DOCK3: variants seen among roughly 807,000 people sequenced by gnomAD.
The protein encoded by DOCK3 is dedicator of cytokinesis 3.
DOCK3 carries 60 observed loss-of-function variants against 265.6 expected under a neutral mutation model. The observed-to-expected ratio is 0.23, with a 90% CI of 0.18 to 0.28. The LOEUF (loss-of-function observed/expected upper bound fraction) is 0.28, where lower values mean the gene tolerates loss of function less well. DOCK3 is among the 10% of genes least tolerant of loss of function. DOCK3 has a pLI of 1.00. For synonymous variants in DOCK3, 881 were observed against 938.0 expected (o/e 0.94, Z 1.11); for missense variants, 1,981 against 2,594.3 (o/e 0.76, Z 5.14).
intron 32 of DOCK3, among the ~76,000 whole-genome samples, chr3:51,323,592 A>C (rs1032584263): frequency 6.6e-6 from 1 of 152,206 alleles, no homozygotes; most frequent in African/African-American, 2.4e-5. Flanking sequence ...CTACTGGGTT[A>C]ATAACAAAAT....
chr3:51,122,898 A>G (rs1377740560), intron 9 of DOCK3, among the ~76,000 whole-genome samples: 1 of 152,224 alleles, frequency 6.6e-6, no homozygotes, highest in African/African-American at 2.4e-5. Flanking sequence ...AGAAGATTGC[A>G]TGCGCACACA....
intron 6 of DOCK3, among the ~76,000 whole-genome samples, chr3:51,070,399 G>C (rs1376330679): frequency 1.3e-5 from 2 of 152,114 alleles, no homozygotes; most frequent in South Asian, 2.1e-4. Flanking sequence ...GAACAACCTA[G>C]CTTGAGACAA....
At chr3:50,943,163 G>C (rs1203053699) in intron 5 of DOCK3, among the ~76,000 whole-genome samples, 2 of 152,060 alleles carry the variant, frequency 1.3e-5, no homozygotes, top group African/African-American at 4.8e-5. Flanking sequence ...AAAGGTGAAA[G>C]TATGGGGATC....
chr3:51,252,705 T>G (rs944125598), intron 22 of DOCK3, among the ~76,000 whole-genome samples: 2 of 152,222 alleles, frequency 1.3e-5, no homozygotes, highest in Admixed American at 1.3e-4. Flanking sequence ...TTTTTGCACA[T>G]TGATTTTGTA....
At chr3:50,718,771 ATTTTTTTTTT>A (rs373965842) in intron 1 of DOCK3, among the ~76,000 whole-genome samples, 52 of 76,960 alleles carry the variant, frequency 6.8e-4, no homozygotes, top group African/African-American at 2.2e-3. Flanking sequence ...TTGTGGGTTG[ATTTTTTTTTT>A]TTTTTTTTTT....
intron 21 of DOCK3, among the ~76,000 whole-genome samples, chr3:51,241,619 A>G (rs545026951): frequency 1.3e-5 from 2 of 151,952 alleles, no homozygotes; most frequent in Non-Finnish European, 2.9e-5. Context: ...TTGTTCATTC[A>G]TTTTCATTCT....
intron 10 of DOCK3, 46 bp from the exon 11 acceptor site, chr3:51,159,198 A>G (rs2107509003): frequency 1.3e-6 from 2 of 1,576,902 alleles, no homozygotes; most frequent in Non-Finnish European, 1.7e-6. Context: ...ATTTTTAATT[A>G]TTTTCTGTGT....
intron 4 of DOCK3, among the ~76,000 whole-genome samples, chr3:50,919,729 A>C (rs542369983): frequency 6.6e-6 from 1 of 152,012 alleles, no homozygotes; most frequent in African/African-American, 2.4e-5. Context: ...TTTCCTAATT[A>C]AATACCCTTT....
At chr3:51,095,592 G>C (rs910527887) in intron 9 of DOCK3, among the ~76,000 whole-genome samples, 11 of 152,024 alleles carry the variant, frequency 7.2e-5, no homozygotes, top group African/African-American at 2.7e-4. Flanking sequence ...GCATTGTCTA[G>C]TGCAAAATGC....
At chr3:50,875,100 C>T (rs1344356923) in intron 3 of DOCK3, among the ~76,000 whole-genome samples, 2 of 151,950 alleles carry the variant, frequency 1.3e-5, no homozygotes, top group Non-Finnish European at 2.9e-5. Context: ...CTAAAGCATG[C>T]GGGGCTTCAA....
At chr3:51,077,273 C>A (rs1027448486) in intron 7 of DOCK3, among the ~76,000 whole-genome samples, 1 of 152,092 alleles carries the variant, frequency 6.6e-6, no homozygotes, top group African/African-American at 2.4e-5. Flanking sequence ...TTGGAGGATG[C>A]TGTTTTCTTG....
chr3:51,134,543 A>G (rs142393487), intron 9 of DOCK3, among the ~76,000 whole-genome samples: 147 of 152,298 alleles, frequency 9.7e-4, no homozygotes, highest in Non-Finnish European at 1.7e-3. Flanking sequence ...ATGAACCTCA[A>G]ACAAACTGTG....
intron 3 of DOCK3, among the ~76,000 whole-genome samples, chr3:50,869,387 T>TGGAGA (rs2047328223): frequency 1.1e-5 from 1 of 93,568 alleles, no homozygotes; most frequent in East Asian, 3.6e-4. Flanking sequence ...TTTTTTTTTT[T>TGGAGA]TTTGGAGATA....
intron 15 of DOCK3, among the ~76,000 whole-genome samples, chr3:51,226,330 C>T (rs2090323276): frequency 6.6e-6 from 1 of 152,158 alleles, no homozygotes; most frequent in Non-Finnish European, 1.5e-5. Context: ...GTTTTTTCTT[C>T]AGTCTAGTCA....
intron 14 of DOCK3, among the ~76,000 whole-genome samples, chr3:51,216,079 G>A (rs2089771269): frequency 6.6e-6 from 1 of 152,008 alleles, no homozygotes; most frequent in Non-Finnish European, 1.5e-5. Flanking sequence ...CTTATGTGGT[G>A]GAGTATATTC....
At chr3:51,223,175 A>G (rs763190892) in intron 14 of DOCK3, among the ~76,000 whole-genome samples, 34 of 152,326 alleles carry the variant, frequency 2.2e-4, no homozygotes, top group Non-Finnish European at 3.8e-4. Flanking sequence ...GCCTCAAACA[A>G]TGTGCTCACT....
intron 10 of DOCK3, among the ~76,000 whole-genome samples, chr3:51,149,049 G>C (rs556478321): frequency 2.6e-5 from 4 of 152,234 alleles, no homozygotes; most frequent in Admixed American, 2.6e-4. Flanking sequence ...TCCTTGAAGA[G>C]GTCCTTCACA....
intron 1 of DOCK3, among the ~76,000 whole-genome samples, chr3:50,739,143 T>C (rs942742084): frequency 9.2e-5 from 14 of 152,208 alleles, no homozygotes; most frequent in Non-Finnish European, 1.8e-4. Flanking sequence ...GTAAGACACA[T>C]CTCTTGCAAG....
chr3:51,124,881 G>A (rs1338432275), intron 9 of DOCK3, among the ~76,000 whole-genome samples: 1 of 151,102 alleles, frequency 6.6e-6, no homozygotes, highest in Non-Finnish European at 1.5e-5. Flanking sequence ...TGTAATCCCA[G>A]CACTTTGGGA....
Sources: allele counts gnomAD v4.1 joint callset (sites outside exome capture counted in the v4.1 genomes callset), GRCh38; gene constraint gnomAD v4.1.1; transcripts MANE v1.5; gene names NCBI Gene and HGNC (gene_info 2026-07-23, HGNC 2026-07-21).